The following CELF2 variants were observed in gnomAD, a reference collection of about 807,000 sequenced individuals.
The protein encoded by CELF2 is CUGBP Elav-like family member 2, also known as CUG triplet repeat RNA-binding protein 2.
Under a neutral mutation model 62.6 loss-of-function variants are expected in CELF2, and 8 were observed. That is an observed-to-expected ratio of 0.13 (90% CI 0.07 to 0.23). The LOEUF (loss-of-function observed/expected upper bound fraction) is 0.23, where lower values mean the gene tolerates loss of function less well. Ranked by LOEUF, CELF2 falls within the 10% of genes least tolerant of loss-of-function variation. The pLI, the probability that CELF2 is intolerant of heterozygous loss-of-function variation, is 1.00. For synonymous variants in CELF2, 258 were observed against 250.0 expected (o/e 1.03, Z -0.30); for missense variants, 333 against 671.0 (o/e 0.50, Z 5.56).
chr10:11,232,740 T>A (rs943078801), intron 3 of CELF2, among the ~76,000 whole-genome samples: 1 of 152,052 alleles, frequency 6.6e-6, no homozygotes, highest in Non-Finnish European at 1.5e-5. Context: ...CATTCATGGA[T>A]AGGAGATGGC....
rs111826262 is a variant in CELF2, at chr10:11,215,489, G to A, written c.272-1936G>A. Among the ~76,000 whole-genome samples the A allele has an allele frequency of 4.6e-3, 692 of 152,064 alleles. 7 individuals are homozygous for A. Among genetic ancestry groups the A allele is most frequent in the African/African-American group, 0.015 (640 of 41,464 alleles). On this transcript the variant is annotated intron_variant, in intron 2 of 12. Coordinates refer to ENST00000633077, the MANE Select transcript of CELF2 (RefSeq NM_001326342.2). ...TTTCATCTCCTGAACTTACTCTTTC[G>A]TAATTTCCTTTATTTCAGCCAGTAA...
the CELF2 span, among the ~76,000 whole-genome samples, chr10:10,654,414 A>G: frequency 9.0e-6 from 1 of 110,882 alleles, no homozygotes; most frequent in African/African-American, 3.4e-5. Flanking sequence ...ACACACAACC[A>G]AAAAAGAGAA....
At chr10:10,527,902 T>C in the CELF2 span, among the ~76,000 whole-genome samples, 5 of 152,242 alleles carry the variant, frequency 3.3e-5, no homozygotes, top group Non-Finnish European at 7.3e-5. Flanking sequence ...TCAGGGAAAC[T>C]AGCAGATTCA....
chr10:10,486,694 T>G, the CELF2 span, among the ~76,000 whole-genome samples: 1 of 152,150 alleles, frequency 6.6e-6, no homozygotes, highest in East Asian at 1.9e-4. Flanking sequence ...CAAAACGTTT[T>G]GAACTGTGGA....
At chr10:10,532,721 T>C in the CELF2 span, among the ~76,000 whole-genome samples, 1 of 152,154 alleles carries the variant, frequency 6.6e-6, no homozygotes, top group Admixed American at 6.5e-5. Context: ...TGTATCTCTT[T>C]TAGGTATTTA....
chr10:10,807,694 A>C lies in CELF2; in HGVS notation c.53+8877A>C, dbSNP rs145603002. On this transcript the variant is annotated intron_variant, in intron 1 of 13. Coordinates refer to the CELF2 transcript ENST00000636488. ...GGAAAAGGAATTTTCTGCTATCCAGAAAATAGAGTATTAAAGAGCCAGCAA... is the reference window on the plus strand; with the variant it reads ...GGAAAAGGAATTTTCTGCTATCCAGCAAATAGAGTATTAAAGAGCCAGCAA... Among the ~76,000 whole-genome samples, 975 of 152,344 alleles carry C rather than the reference A, an allele frequency of 6.4e-3. 10 individuals are homozygous for C. Among genetic ancestry groups the C allele is most frequent in the African/African-American group, 0.022 (934 of 41,582 alleles).
At chr10:10,989,799 T>A (rs551630425) in intron 2 of CELF2, among the ~76,000 whole-genome samples, 38 of 152,054 alleles carry the variant, frequency 2.5e-4, no homozygotes, top group South Asian at 1.0e-3. Context: ...TCAACTTGAT[T>A]AAAAAAACAG....
At chr10:10,587,467 A>G in the CELF2 span, among the ~76,000 whole-genome samples, 1 of 152,222 alleles carries the variant, frequency 6.6e-6, no homozygotes, top group Admixed American at 6.5e-5. Context: ...TTGCTACACA[A>G]TTAAAGTGTT....
chr10:10,630,543 T>G, the CELF2 span, among the ~76,000 whole-genome samples: 2 of 152,136 alleles, frequency 1.3e-5, no homozygotes, highest in African/African-American at 4.8e-5. Context: ...GTGACTACAG[T>G]TGAAACCAGA....
intron 2 of CELF2, among the ~76,000 whole-genome samples, chr10:10,927,554 A>G (rs1239846029): frequency 6.6e-6 from 1 of 151,958 alleles, no homozygotes; most frequent in Non-Finnish European, 1.5e-5. Flanking sequence ...CAGACTCCCA[A>G]GTAGCTGGGA....
At chr10:10,911,145 A>G (rs940490689) in intron 1 of CELF2, among the ~76,000 whole-genome samples, 1 of 152,200 alleles carries the variant, frequency 6.6e-6, no homozygotes, top group African/African-American at 2.4e-5. Flanking sequence ...GAAAGCAAAC[A>G]TAAGCCCTTC....
intron 1 of CELF2, chr10:11,018,672 C>G (rs1225036610): frequency 6.7e-6 from 1 of 149,986 alleles, no homozygotes; most frequent in African/African-American, 2.5e-5. Flanking sequence ...CTGAGCGGAG[C>G]GCGGCGTGAC....
At chr10:11,056,026 AT>A (rs980234586) in intron 1 of CELF2, among the ~76,000 whole-genome samples, 6 of 152,220 alleles carry the variant, frequency 3.9e-5, no homozygotes, top group Non-Finnish European at 7.4e-5. Flanking sequence ...TAGAAAGTGC[AT>A]TTGTTTGTTT....
At chr10:10,658,861 A>G in the CELF2 span, among the ~76,000 whole-genome samples, 1 of 152,170 alleles carries the variant, frequency 6.6e-6, no homozygotes, top group Non-Finnish European at 1.5e-5. Context: ...TCTTGCCTGG[A>G]TAACACAGAG....
chr10:10,724,777 C>T, the CELF2 span, among the ~76,000 whole-genome samples: 3 of 151,932 alleles, frequency 2.0e-5, no homozygotes, highest in African/African-American at 7.3e-5. Flanking sequence ...TCCTATCTTT[C>T]TCTCAAGTCC....
At chr10:10,718,618 C>T in the CELF2 span, among the ~76,000 whole-genome samples, 232 of 105,056 alleles carry the variant, frequency 2.2e-3, 1 homozygote, top group African/African-American at 7.9e-3. Context: ...AGCAAGACTC[C>T]GTCTCAAAAA....
the CELF2 span, among the ~76,000 whole-genome samples, chr10:10,543,548 A>G: frequency 6.6e-6 from 1 of 152,212 alleles, no homozygotes; most frequent in Admixed American, 6.5e-5. Flanking sequence ...GCACATTATG[A>G]TAAAAGCAGT....
the CELF2 span, among the ~76,000 whole-genome samples, chr10:10,540,826 C>T: frequency 6.6e-6 from 1 of 152,146 alleles, no homozygotes; most frequent in Non-Finnish European, 1.5e-5. Context: ...TCTCTACACT[C>T]ATACATTCTC....
the CELF2 span, among the ~76,000 whole-genome samples, chr10:10,627,757 T>C: frequency 6.6e-6 from 1 of 152,204 alleles, no homozygotes; most frequent in Non-Finnish European, 1.5e-5. Context: ...TTCTACACTT[T>C]TCATTAAACT....
Sources: allele counts gnomAD v4.1 joint callset (sites outside exome capture counted in the v4.1 genomes callset), GRCh38; gene constraint gnomAD v4.1.1; transcripts MANE v1.5; gene names NCBI Gene and HGNC (gene_info 2026-07-23, HGNC 2026-07-21).